The following LSM14B variants were observed in gnomAD, a reference collection of about 807,000 sequenced individuals.
LSM14B encodes LSM family member 14B, also known as protein LSM14 homolog B.
Under a neutral mutation model 42.1 loss-of-function variants are expected in LSM14B, and 8 were observed. That is an observed-to-expected ratio of 0.19 (90% CI 0.11 to 0.34). The LOEUF (loss-of-function observed/expected upper bound fraction) is 0.34, where lower values mean the gene tolerates loss of function less well. LSM14B is among the 10% of genes least tolerant of loss of function. The pLI is 1.00. For missense variants in LSM14B, 396 were observed against 513.1 expected (o/e 0.77, Z 2.21); for synonymous variants, 219 against 209.7 (o/e 1.04, Z -0.38).
At chr20:62,133,629 C>T (rs1178635387) in intron 8 of LSM14B, among the ~76,000 whole-genome samples, 154 bp downstream of exon 8, 1 of 152,214 alleles carries the variant, frequency 6.6e-6, no homozygotes, top group Non-Finnish European at 1.5e-5. Flanking sequence ...CCCTATGAGT[C>T]ACCCGGGAGG....
In LSM14B at chr20:62,133,326, C is replaced by G. The variant is rs200051430; in HGVS notation, c.1023C>G (p.Leu341=). The change falls in exon 8 of 9, where the codon CTC becomes CTG. Residue 341 remains leucine (L), a synonymous_variant. Coordinates refer to ENST00000279068, the MANE Select transcript of LSM14B (RefSeq NM_144703.3). ...CGACGTGGGCCGAAGAGAGGAAGCT[C>G]AACACAGAGACCTTTGGGGTGTCAG... The part of the protein sequence containing the change: ...RRTTWAEERK[L]NTETFGVSGR... 1 of 1,613,606 alleles carries G rather than the reference C, an allele frequency of 6.2e-7. No individual in the cohort carries two copies. Among genetic ancestry groups the G allele is most frequent in the African/African-American group, 1.3e-5 (1 of 74,992 alleles).
At chr20:62,124,961 ACTTTGG>A (rs2056544852) in intron 2 of LSM14B, among the ~76,000 whole-genome samples, 181 bp downstream of exon 2, 1 of 151,902 alleles carries the variant, frequency 6.6e-6, no homozygotes, top group African/African-American at 2.4e-5. Context: ...GCTCATTGCA[ACTTTGG>A]CTTCCCAGGT....
In LSM14B at chr20:62,130,496, C is replaced by T. The variant is rs1208716019; in HGVS notation, c.674-34C>T. ...TGTTTGAGATCACTGGGTTGGTGAC[C>T]TACTTCAGCCAGGGCTGTCCTTTGT... On this transcript the variant is annotated intron_variant, in intron 5 of 8. Coordinates refer to ENST00000279068, the MANE Select transcript of LSM14B (RefSeq NM_144703.3). The surrounding 1 kb of genome is among the most constrained non-coding windows in gnomAD (Gnocchi z 4.1). 6.2e-7 allele frequency: 1 copy of T among 1,607,270 alleles called. No homozygotes were observed. The highest frequency in any genetic ancestry group is 8.5e-7 in the Non-Finnish European group (1 of 1,175,980).
intron 1 of LSM14B, among the ~76,000 whole-genome samples, chr20:62,123,945 CAGG>C (rs948372920): frequency 6.6e-6 from 1 of 152,182 alleles, no homozygotes; most frequent in East Asian, 1.9e-4. Flanking sequence ...CAGGAGTTAG[CAGG>C]AGTTGTGTCT....
At chr20:62,123,035 T>G in intron 1 of LSM14B, 3 of 217,810 alleles carry the variant, frequency 1.4e-5, no homozygotes, top group East Asian at 9.8e-5. Context: ...CTCCCTGGGC[T>G]CCCAGGGCGG....
rs2056765762 is a variant in LSM14B, at chr20:62,131,509, G to A, written c.986+3G>A. 1 of 1,612,484 alleles carries A rather than the reference G, an allele frequency of 6.2e-7. No homozygotes were observed. Among genetic ancestry groups the A allele is most frequent in the African/African-American group, 1.3e-5 (1 of 74,942 alleles). ...ATCTCTTCTGAACTCAAGACCAGGT[G>A]AGAGGCTGAATGAATGAGGGGAGGA... is the stretch of plus-strand genomic sequence containing the variant. On this transcript the variant is annotated splice_donor_region_variant and intron_variant, in intron 7 of 8. Transcript: ENST00000279068.
At chr20:62,123,007 A>G (rs2056450592) in intron 1 of LSM14B, 1 of 274,300 alleles carries the variant, frequency 3.6e-6, no homozygotes. Flanking sequence ...CCCCCAGCGT[A>G]GCCGGCCGCA....
At chr20:62,128,819 C>G in intron 3 of LSM14B, 1 of 644,498 alleles carries the variant, frequency 1.6e-6, no homozygotes, top group Non-Finnish European at 2.3e-6. Flanking sequence ...AATTTTTCTA[C>G]AGTCAATTTT....
intron 1 of LSM14B, among the ~76,000 whole-genome samples, chr20:62,123,652 A>G (rs2056487764): frequency 6.6e-6 from 1 of 152,236 alleles, no homozygotes; most frequent in South Asian, 2.1e-4. Flanking sequence ...CCGTGGAGCC[A>G]CGTCTGCCTA....
At chr20:62,126,003 G>A (rs1256009788) in intron 2 of LSM14B, among the ~76,000 whole-genome samples, 1 of 152,202 alleles carries the variant, frequency 6.6e-6, no homozygotes, top group African/African-American at 2.4e-5. Flanking sequence ...AGAGGTTGCA[G>A]TGAGCTGAGA....
rs1298859717 is a variant in LSM14B, at chr20:62,129,904, A to G, written c.547A>G (p.Thr183Ala). The G allele has an allele frequency of 6.2e-7, 1 of 1,613,518 alleles. No individual in the cohort carries two copies. The highest frequency in any genetic ancestry group is 8.5e-7 in the Non-Finnish European group (1 of 1,179,820). Residue 183 changes from threonine to alanine, a missense_variant, in exon 4 of 9, where the codon ACG (threonine) becomes GCG (alanine). Coordinates refer to ENST00000279068, the MANE Select transcript of LSM14B (RefSeq NM_144703.3). ...KLLPGKGTTG[T>A]QLNGRQAQPS... is the part of the protein sequence containing the mutation. Reference sequence around the variant, plus strand: ...GTTACCTGGCAAGGGCACCACAGGGACGCAGCTCAACGGTCGTCAGGCCCA... The same window carrying G: ...GTTACCTGGCAAGGGCACCACAGGGGCGCAGCTCAACGGTCGTCAGGCCCA...
intron 1 of LSM14B, chr20:62,123,020 A>G (rs929789440): frequency 3.8e-5 from 9 of 236,626 alleles, no homozygotes; most frequent in East Asian, 8.9e-5. Flanking sequence ...CGGCCGCACA[A>G]TGGTCTCCCT....
Position 62,129,963 on chromosome 20 carries a change from A to G in LSM14B, c.595+11A>G, listed in dbSNP as rs764680095. 1.1e-5 allele frequency: 18 copies of G among 1,601,638 alleles called. No homozygotes were observed. The Admixed American group carries it at 3.1e-4, about 28-fold the overall frequency. The stretch of plus-strand genomic sequence containing the variant: ...GCAAGACGGCCAGCGGTACTTGAAC[A>G]CATCATTTCCTGGAGTTTGCTTGAT... On this transcript the variant is annotated intron_variant, in intron 4 of 8. Transcript: ENST00000279068.
chr20:62,130,055 C>T lies in LSM14B; in HGVS notation c.595+103C>T. Reference sequence around the variant, plus strand: ...TTTTAATTAAAAAAATACTACTCCCCCATCCTAAGCCCCATGTGCTTTTGC... The same window carrying T: ...TTTTAATTAAAAAAATACTACTCCCTCATCCTAAGCCCCATGTGCTTTTGC... On this transcript the variant is annotated intron_variant, in intron 4 of 8. Transcript: ENST00000279068. The surrounding 1 kb of genome is among the most constrained non-coding windows in gnomAD (Gnocchi z 4.1). The T allele has an allele frequency of 1.4e-6, 2 of 1,412,048 alleles. No homozygotes were observed. Among genetic ancestry groups the T allele is most frequent in the Non-Finnish European group, 1.9e-6 (2 of 1,058,228 alleles). 87.5% of individuals were successfully genotyped at this position (1,412,048 alleles called of 1,614,324 possible).
Position 62,122,822 on chromosome 20 carries a change from T to C in LSM14B, c.127+29T>C. The C allele has an allele frequency of 6.8e-7, 1 of 1,463,486 alleles. No individual in the cohort carries two copies. The highest frequency in any genetic ancestry group is 9.1e-7 in the Non-Finnish European group (1 of 1,095,126). The allele number at this position is 1,463,486 out of a possible 1,614,324, so 90.7% of individuals were successfully genotyped here. ...GCGGCCGCCGCCCGCCCGAGCCCGC[T>C]GACCCCCGTCCGCCAACAGCCCCGG... On this transcript the variant is annotated intron_variant, in intron 1 of 8. Transcript: ENST00000279068. This position sits in a 1 kb window ranked among gnomAD's most constrained non-coding sequence, Gnocchi z 4.6.
intron 3 of LSM14B, chr20:62,127,965 C>T (rs950870394): frequency 2.2e-5 from 14 of 631,328 alleles, no homozygotes; most frequent in African/African-American, 9.1e-5. Flanking sequence ...CTACCACATA[C>T]GGGAAACTTC....
intron 8 of LSM14B, 87 bp downstream of exon 8, chr20:62,133,562 C>T (rs1568718487): frequency 5.5e-6 from 8 of 1,451,330 alleles, no homozygotes; most frequent in Middle Eastern, 2.5e-4. Context: ...GGAGCAGGCT[C>T]GGTTTCCCAG....
At position 62,134,324 on chromosome 20, in the gene LSM14B, A is replaced by G. The variant is rs1406078963; in HGVS notation, c.*176A>G. 1 of 471,742 alleles carries G rather than the reference A, an allele frequency of 2.1e-6. No homozygotes were observed. Among genetic ancestry groups the G allele is most frequent in the Admixed American group, 2.3e-5 (1 of 42,562 alleles). 29.2% of individuals were successfully genotyped at this position (471,742 alleles called of 1,614,324 possible). ...ACTGAACTTGGACATGGTCTGAGTT[A>G]GAACCACTTGTTTTGGGGAAGTATT... On this transcript the variant is annotated 3_prime_UTR_variant, in exon 9 of 9. Transcript: ENST00000279068.
At chr20:62,128,315 G>A (rs938965762) in intron 3 of LSM14B, among the ~76,000 whole-genome samples, 1 of 152,224 alleles carries the variant, frequency 6.6e-6, no homozygotes, top group African/African-American at 2.4e-5. Context: ...CGATCTTGCT[G>A]TATGTTTGTG....
Sources: gnomAD v4.1 joint callset for allele counts (sites outside exome capture counted in the v4.1 genomes callset) on GRCh38, gnomAD v4.1.1 for gene constraint, Gnocchi (gnomAD v3.1) non-coding constraint, MANE v1.5 for transcripts, NCBI Gene and HGNC (gene_info 2026-07-23, HGNC 2026-07-21) for gene names.